The following DPH6 variants were observed in gnomAD, a reference collection of about 807,000 sequenced individuals.
DPH6 encodes the protein diphthamine biosynthesis 6.
A neutral mutation model predicts 38.2 loss-of-function variants in DPH6; 33 were observed. That is an observed-to-expected ratio of 0.86 (90% CI 0.65 to 1.15). The LOEUF is 1.15. Among genes scored for constraint, DPH6 ranks in the 50% most tolerant of loss-of-function variants. The pLI is 0.00. For missense variants in DPH6, 325 were observed against 320.0 expected (o/e 1.02, Z -0.12); for synonymous variants, 108 against 103.0 (o/e 1.05, Z -0.30).
At chr15:35,431,699 T>C (rs1380776263) in intron 5 of DPH6, among the ~76,000 whole-genome samples, 1 of 152,096 alleles carries the variant, frequency 6.6e-6, no homozygotes, top group Non-Finnish European at 1.5e-5. Flanking sequence ...TAGACATAAA[T>C]TGAAAAGTCT....
chr15:35,150,539 G>A, the DPH6 span, among the ~76,000 whole-genome samples: 1 of 152,202 alleles, frequency 6.6e-6, no homozygotes, highest in Non-Finnish European at 1.5e-5. Flanking sequence ...GATCATGGGA[G>A]TTTTAAACAA....
At chr15:35,273,391 T>C (rs867709214) in intron 3 of DPH6, among the ~76,000 whole-genome samples, 1 of 152,200 alleles carries the variant, frequency 6.6e-6, no homozygotes, top group Admixed American at 6.5e-5. Context: ...CTTCCACTTA[T>C]CAGTGAGAAA....
intron 3 of DPH6, chr15:35,220,667 T>A (rs932473321): frequency 2.0e-5 from 3 of 152,152 alleles, no homozygotes; most frequent in African/African-American, 7.2e-5. Flanking sequence ...AGTTCATTCA[T>A]AAGGGTGGAC....
chr15:35,300,865 C>T (rs2052050016), intron 3 of DPH6, among the ~76,000 whole-genome samples: 1 of 152,136 alleles, frequency 6.6e-6, no homozygotes, highest in African/African-American at 2.4e-5. Flanking sequence ...ATGATGAGTC[C>T]TGTACTTCAC....
rs71309445 is a variant in DPH6 at position 35,491,548 on chromosome 15, TACACACACACACACACACAC to T, written c.313-36748_313-36729del. On this transcript the variant is annotated intron_variant, in intron 3 of 8. Transcript: ENST00000256538. Reference sequence around the variant, plus strand: ...TCCAGAGAATCAGAACCAATAGGTGTACACACACACACACACACACACACACACACACACACACACAGATT... The same window carrying T: ...TCCAGAGAATCAGAACCAATAGGTGTACACACACACACACACACACAGATT... Among the ~76,000 whole-genome samples, 9 of 137,746 alleles carry T rather than the reference TACACACACACACACACACAC, an allele frequency of 6.5e-5. No homozygotes were observed. In the South Asian group the frequency reaches 1.9e-3, roughly 29 times the overall value. 90.4% of individuals were successfully genotyped at this position (137,746 alleles called of 152,430 possible).
chr15:35,456,540 T>G (rs1394157845), intron 3 of DPH6, among the ~76,000 whole-genome samples: 1 of 151,364 alleles, frequency 6.6e-6, no homozygotes, highest in East Asian at 1.9e-4. Flanking sequence ...CAGGCTGGAG[T>G]GCAGTGGCAC....
At chr15:35,440,493 A>G (rs1483765209) in intron 5 of DPH6, among the ~76,000 whole-genome samples, 1 of 152,214 alleles carries the variant, frequency 6.6e-6, no homozygotes, top group Non-Finnish European at 1.5e-5. Context: ...TTAAGCGGGG[A>G]ACCTTAAATA....
intron 5 of DPH6, among the ~76,000 whole-genome samples, chr15:35,411,510 G>A (rs555599651): frequency 1.2e-4 from 18 of 151,690 alleles, no homozygotes; most frequent in South Asian, 6.2e-4. Flanking sequence ...TGCCAATAGC[G>A]TGTGCGTAAC....
chr15:35,422,683 A>C (rs1325273922), intron 5 of DPH6, among the ~76,000 whole-genome samples: 1 of 151,836 alleles, frequency 6.6e-6, no homozygotes, highest in East Asian at 1.9e-4. Flanking sequence ...TTTATCTTGC[A>C]TAACTAACTC....
At chr15:35,263,788 T>C (rs1415631145) in intron 3 of DPH6, among the ~76,000 whole-genome samples, 1 of 151,862 alleles carries the variant, frequency 6.6e-6, no homozygotes, top group Non-Finnish European at 1.5e-5. Flanking sequence ...CTCTGCTCAC[T>C]CCAAGCTCAG....
At chr15:35,330,320 A>G (rs2052317859), downstream of DPH6, among the ~76,000 whole-genome samples, 1 of 152,174 alleles carries the variant, frequency 6.6e-6, no homozygotes, top group African/African-American at 2.4e-5. Context: ...TTCCATTTTT[A>G]TGAATGAAAA....
Position 35,238,176 on chromosome 15 carries a change from G to A in DPH6, n.201-17594C>T, listed in dbSNP as rs374959225. On this transcript the variant is annotated intron_variant and non_coding_transcript_variant, in intron 3 of 3. Transcript: ENST00000560386. ...ACTTATTTTTTTTTCTGATTGTAAC[G>A]TTGCTGTGGGAACGAGAGGGGAAAG... 756 of 550,484 alleles carry A rather than the reference G, an allele frequency of 1.4e-3. 3 individuals carry two copies. In the African/African-American group the frequency reaches 0.015, roughly 11 times the overall value. The allele number at this position is 550,484 out of a possible 1,614,324, so 34.1% of individuals were successfully genotyped here. A position where few individuals can be genotyped will look rare whatever the true frequency, so the allele number is the denominator to read the frequency against.
At chr15:35,480,231 A>G (rs568904050) in intron 3 of DPH6, among the ~76,000 whole-genome samples, 30 of 152,130 alleles carry the variant, frequency 2.0e-4, no homozygotes, top group Non-Finnish European at 3.7e-4. Context: ...CACAACAGTT[A>G]AATAAAAATT....
At chr15:35,405,594 G>A (rs1035527000) in intron 6 of DPH6, among the ~76,000 whole-genome samples, 1 of 151,996 alleles carries the variant, frequency 6.6e-6, no homozygotes, top group Non-Finnish European at 1.5e-5. Context: ...AGTTCTAATA[G>A]TTTTTTGTTG....
intron 7 of DPH6, among the ~76,000 whole-genome samples, chr15:35,376,863 A>G (rs2052788185): frequency 2.0e-5 from 3 of 152,296 alleles, no homozygotes; most frequent in South Asian, 2.1e-4. Flanking sequence ...CTATATTTGT[A>G]TAAGTATACT....
At chr15:35,433,243 G>T (rs955442059) in intron 5 of DPH6, among the ~76,000 whole-genome samples, 4 of 152,162 alleles carry the variant, frequency 2.6e-5, no homozygotes, top group African/African-American at 9.7e-5. Flanking sequence ...GTAGAAAAAT[G>T]GATTGGAAAA....
chr15:35,167,746 T>A, the DPH6 span, among the ~76,000 whole-genome samples: 1 of 152,004 alleles, frequency 6.6e-6, no homozygotes, highest in Non-Finnish European at 1.5e-5. Context: ...TGAATTAACC[T>A]ACAATGTTTC....
At chr15:35,546,077 G>A (rs1229485148) in intron 1 of DPH6, 42 bp downstream of exon 1, 5 of 1,351,378 alleles carry the variant, frequency 3.7e-6, no homozygotes, top group East Asian at 6.2e-5. Flanking sequence ...AGGGACGAGA[G>A]CCTGGCCTAG....
intron 3 of DPH6, chr15:35,520,347 A>T (rs2054906694): frequency 1.0e-6 from 1 of 983,596 alleles, no homozygotes; most frequent in Admixed American, 6.2e-5. Flanking sequence ...CCTCATAGAC[A>T]TGCATTTTGT....
Sources: allele counts gnomAD v4.1 joint callset (sites outside exome capture counted in the v4.1 genomes callset), GRCh38; gene constraint gnomAD v4.1.1; transcripts MANE v1.5; gene names NCBI Gene and HGNC (gene_info 2026-07-23, HGNC 2026-07-21).